The following TDRD7 variants were observed in gnomAD, a reference collection of about 807,000 sequenced individuals.
The protein encoded by TDRD7 is tudor domain-containing protein 7.
Under a neutral mutation model 109.8 loss-of-function variants are expected in TDRD7, and 47 were observed. The ratio of observed to expected loss-of-function variants is 0.43; its 90% CI spans 0.34 to 0.55. The LOEUF (loss-of-function observed/expected upper bound fraction) is 0.55. Ranked by LOEUF, TDRD7 falls within the 20% of genes least tolerant of loss-of-function variation. The pLI, the probability that TDRD7 is intolerant of heterozygous loss-of-function variation, is 0.03. For missense variants in TDRD7, 1,164 were observed against 1,319.2 expected (o/e 0.88, Z 1.82); for synonymous variants, 424 against 457.3 (o/e 0.93, Z 0.93).
At chr9:97,423,273 A>T (rs768517256) in intron 1 of TDRD7, among the ~76,000 whole-genome samples, 1 of 152,080 alleles carries the variant, frequency 6.6e-6, no homozygotes, top group Non-Finnish European at 1.5e-5. Flanking sequence ...CTTTCAATAA[A>T]TTTATCTATT....
chr9:97,465,095 A>AT, intron 8 of TDRD7, 67 bp downstream of exon 8: 2 of 1,527,354 alleles, frequency 1.3e-6, no homozygotes, highest in South Asian at 1.2e-5. Flanking sequence ...AAATGTAAAT[A>AT]TTTTTTACAT....
chr9:97,457,242 T>C (rs1042714905), intron 6 of TDRD7, among the ~76,000 whole-genome samples: 3 of 152,106 alleles, frequency 2.0e-5, no homozygotes, highest in Non-Finnish European at 4.4e-5. Flanking sequence ...GTTCAACTGT[T>C]GTGGAAGACA....
chr9:97,478,320 T>A (rs1160175165), intron 12 of TDRD7, 119 bp from the exon 13 acceptor site: 7 of 1,025,824 alleles, frequency 6.8e-6, no homozygotes, highest in Non-Finnish European at 1.0e-5. Context: ...GGGAAAATTT[T>A]AACACTGATA....
Position 97,482,943 on chromosome 9 carries a change from T to C in TDRD7, c.2507T>C (p.Ile836Thr). 1 of 1,614,200 alleles carries C rather than the reference T, an allele frequency of 6.2e-7. No individual in the cohort carries two copies. The highest frequency in any genetic ancestry group is 1.3e-5 in the African/African-American group (1 of 75,060). The change falls in exon 15 of 17, where the codon ATT (isoleucine) becomes ACT (threonine). Residue 836 changes from isoleucine (I) to threonine (T), a missense_variant. Physicochemically the swap from Ile to Thr is moderately conservative, Grantham distance 89. Coordinates refer to ENST00000355295, the MANE Select transcript of TDRD7 (RefSeq NM_014290.3). ...PDPHRSINRQ[I>T]TNADLWKHQK... ...CCTCATCGCAGTATTAATCGCCAGA[T>C]TACAAATGCAGACTTGTGGAAGCAT...
intron 6 of TDRD7, among the ~76,000 whole-genome samples, chr9:97,457,826 C>G (rs181866855): frequency 1.3e-5 from 2 of 152,188 alleles, no homozygotes; most frequent in African/African-American, 4.8e-5. Flanking sequence ...AGATTATCTC[C>G]TTGCGGGGAC....
chr9:97,421,785 T>C (rs1465420005), intron 1 of TDRD7, among the ~76,000 whole-genome samples: 1 of 151,324 alleles, frequency 6.6e-6, no homozygotes, highest in Non-Finnish European at 1.5e-5. Flanking sequence ...AGTCTCGAAC[T>C]CCTGAGCTCA....
At chr9:97,487,072 T>C (rs1192411740) in intron 15 of TDRD7, 100 bp from the exon 16 acceptor site, 1 of 1,271,346 alleles carries the variant, frequency 7.9e-7, no homozygotes, top group Non-Finnish European at 1.1e-6. Context: ...TAAACATAAT[T>C]TGCATTAATT....
intron 4 of TDRD7, among the ~76,000 whole-genome samples, chr9:97,438,314 C>T (rs1480934581): frequency 1.3e-5 from 2 of 152,122 alleles, no homozygotes; most frequent in African/African-American, 4.8e-5. Flanking sequence ...AGAAAATGTG[C>T]TTCATTTCAA....
chr9:97,479,038 A>C (rs1224299427), intron 13 of TDRD7, among the ~76,000 whole-genome samples: 1 of 152,108 alleles, frequency 6.6e-6, no homozygotes, highest in African/African-American at 2.4e-5. Flanking sequence ...TTATTCATGA[A>C]TGTTCAGATG....
intron 6 of TDRD7, among the ~76,000 whole-genome samples, chr9:97,447,300 C>T (rs1282276347): frequency 6.6e-6 from 1 of 152,182 alleles, no homozygotes; most frequent in Non-Finnish European, 1.5e-5. Context: ...AGCATACAGA[C>T]CATCCTCTCA....
chr9:97,420,378 G>A (rs1171765529), intron 1 of TDRD7, among the ~76,000 whole-genome samples: 1 of 126,586 alleles, frequency 7.9e-6, no homozygotes, highest in African/African-American at 2.9e-5. Context: ...GGGGGCGGGT[G>A]GGGGAGGGTG....
intron 1 of TDRD7, among the ~76,000 whole-genome samples, chr9:97,426,299 C>T (rs1031135004): frequency 3.3e-5 from 5 of 152,168 alleles, no homozygotes; most frequent in Non-Finnish European, 5.9e-5. Flanking sequence ...CTCATTCTGT[C>T]ACCCAGGCTG....
intron 1 of TDRD7, among the ~76,000 whole-genome samples, chr9:97,414,228 AATAT>A (rs1827775078): frequency 6.6e-6 from 1 of 152,222 alleles, no homozygotes; most frequent in South Asian, 2.1e-4. Flanking sequence ...CTGTAAGCCA[AATAT>A]GTTTACAGTT....
intron 16 of TDRD7, among the ~76,000 whole-genome samples, chr9:97,494,924 T>C (rs1279735942): frequency 6.6e-6 from 1 of 152,100 alleles, no homozygotes; most frequent in African/African-American, 2.4e-5. Context: ...TTGCCCAGGC[T>C]GGTCTCGAAC....
Position 97,451,409 on chromosome 9 carries a change from C to T in TDRD7, c.856-8769C>T, listed in dbSNP as rs567676234. 2.0e-5 allele frequency among the ~76,000 whole-genome samples: 3 copies of T among 152,260 alleles called. No homozygotes were observed. The East Asian group carries it at 5.8e-4, about 29-fold the overall frequency. On this transcript the variant is annotated intron_variant, in intron 6 of 16. Transcript: ENST00000355295. ...GGCTCAAGCAGTCTTCCCACCCCAG[C>T]CTTCCAAAGTGCTGGGATTATAGAT...
intron 7 of TDRD7, among the ~76,000 whole-genome samples, chr9:97,461,281 G>A (rs1000088367): frequency 3.9e-5 from 6 of 151,974 alleles, no homozygotes; most frequent in African/African-American, 1.5e-4. Flanking sequence ...ATGATAATAT[G>A]AACTTGAAAA....
chr9:97,439,293 A>G lies in TDRD7; in HGVS notation c.612A>G (p.Ser204=). 6.2e-7 allele frequency: 1 copy of G among 1,603,646 alleles called. No homozygotes were observed. The highest frequency in any genetic ancestry group is 8.5e-7 in the Non-Finnish European group (1 of 1,179,146). Residue 204 remains serine, a synonymous_variant, in exon 5 of 17, where the codon TCA becomes TCG. Transcript: ENST00000355295. Reference sequence around the variant, plus strand: ...AACCACCTTTGCAGATGCATCTCTCAAGAACCTCTACTAAGGAAATGAGTG... The same window carrying G: ...AACCACCTTTGCAGATGCATCTCTCGAGAACCTCTACTAAGGAAATGAGTG... ...SLQPPLQMHL[S]RTSTKEMSDN... is the part of the protein sequence containing the mutation.
intron 5 of TDRD7, among the ~76,000 whole-genome samples, chr9:97,440,418 A>G (rs1828282802): frequency 6.6e-6 from 1 of 152,212 alleles, no homozygotes; most frequent in African/African-American, 2.4e-5. Context: ...CTGCTGACAC[A>G]TTCTCATTAT....
At chr9:97,489,613 T>C (rs1378919397) in intron 16 of TDRD7, among the ~76,000 whole-genome samples, 4 of 152,224 alleles carry the variant, frequency 2.6e-5, no homozygotes, top group Non-Finnish European at 5.9e-5. Context: ...TCTCTGTCTT[T>C]TAATTGGTGT....
Sources: allele counts gnomAD v4.1 joint callset (sites outside exome capture counted in the v4.1 genomes callset), GRCh38; gene constraint gnomAD v4.1.1; transcripts MANE v1.5; gene names NCBI Gene and HGNC (gene_info 2026-07-23, HGNC 2026-07-21).